SOX5: variants seen among roughly 807,000 people sequenced by gnomAD.
SOX5 encodes transcription factor SOX-5.
SOX5 carries 9 observed loss-of-function variants against 92.0 expected under a neutral mutation model. That is an observed-to-expected ratio of 0.10 (90% CI 0.06 to 0.17). SOX5 has a LOEUF of 0.17. Ranked by LOEUF, SOX5 falls within the 10% of genes least tolerant of loss-of-function variation. The probability of loss-of-function intolerance (pLI) is 1.00; values close to 1 mark genes in which losing one functional copy is unlikely to be tolerated. For missense variants in SOX5, 642 were observed against 944.5 expected, an observed-to-expected ratio of 0.68 and a Z score of 4.20; for synonymous variants, 344 against 336.3, an observed-to-expected ratio of 1.02 and a Z score of -0.25.
intron 6 of SOX5, among the ~76,000 whole-genome samples, chr12:23,710,686 T>C (rs1593522429): frequency 6.6e-6 from 1 of 152,352 alleles, no homozygotes; most frequent in Admixed American, 6.5e-5. Flanking sequence ...TTGTGAATAG[T>C]GCCACAATAA....
At chr12:24,072,129 T>G (rs1263968964) in intron 4 of SOX5, among the ~76,000 whole-genome samples, 1 of 152,214 alleles carries the variant, frequency 6.6e-6, no homozygotes, top group East Asian at 1.9e-4. Context: ...CTAAATAAGT[T>G]TGCAATTGAA....
intron 8 of SOX5, among the ~76,000 whole-genome samples, chr12:23,615,199 G>A (rs1266041346): frequency 6.6e-6 from 1 of 151,976 alleles, no homozygotes; most frequent in Non-Finnish European, 1.5e-5. Context: ...TTTCTCTAAT[G>A]ATGTTGAGCA....
intron 3 of SOX5, among the ~76,000 whole-genome samples, chr12:23,779,894 C>A (rs1000379852): frequency 1.4e-5 from 2 of 144,748 alleles, no homozygotes; most frequent in Admixed American, 7.0e-5. Context: ...CCTAATGATA[C>A]AATGTGTGCT....
At chr12:23,616,655 C>T (rs1335459947) in intron 8 of SOX5, among the ~76,000 whole-genome samples, 2 of 152,150 alleles carry the variant, frequency 1.3e-5, no homozygotes, top group Non-Finnish European at 2.9e-5. Context: ...CTCAGACTTG[C>T]TATAGATTTG....
At chr12:24,061,796 G>A (rs185269970) in intron 4 of SOX5, among the ~76,000 whole-genome samples, 3 of 151,480 alleles carry the variant, frequency 2.0e-5, no homozygotes, top group Admixed American at 2.0e-4. Context: ...CTTTCAACAG[G>A]CCCTATAATG....
At chr12:23,599,383 T>C (rs1374140614) in intron 9 of SOX5, among the ~76,000 whole-genome samples, 1 of 152,218 alleles carries the variant, frequency 6.6e-6, no homozygotes, top group African/African-American at 2.4e-5. Context: ...AATGGGAACA[T>C]CACTGTCAGA....
At chr12:23,966,164 C>A (rs1171521040) in intron 4 of SOX5, among the ~76,000 whole-genome samples, 2 of 118,786 alleles carry the variant, frequency 1.7e-5, no homozygotes, top group African/African-American at 3.3e-5. Flanking sequence ...TTCCAGAATC[C>A]CCGCCTCCCC....
chr12:24,382,840 A>G (rs1957977792), intron 1 of SOX5, among the ~76,000 whole-genome samples: 3 of 152,154 alleles, frequency 2.0e-5, no homozygotes, highest in African/African-American at 7.2e-5. Flanking sequence ...GTTCTGAGCA[A>G]TGGGAAGAAT....
chr12:24,388,331 C>T (rs559472681), intron 1 of SOX5, among the ~76,000 whole-genome samples: 15 of 152,098 alleles, frequency 9.9e-5, no homozygotes, highest in Admixed American at 2.0e-4. Flanking sequence ...CATCAAAAGA[C>T]GCCCCTGTTC....
intron 4 of SOX5, among the ~76,000 whole-genome samples, chr12:24,020,299 C>G (rs76396980): frequency 0.021 from 3,143 of 152,150 alleles, 90 homozygotes; most frequent in African/African-American, 0.071. Flanking sequence ...TCCCTTTGAT[C>G]GTTACACCTG....
chr12:23,912,695 T>A (rs1332585399), intron 1 of SOX5, among the ~76,000 whole-genome samples: 1 of 152,184 alleles, frequency 6.6e-6, no homozygotes, highest in Non-Finnish European at 1.5e-5. Context: ...ACAAAACTGA[T>A]GAACCTTGAA....
intron 1 of SOX5, among the ~76,000 whole-genome samples, chr12:23,905,911 T>C (rs1054359742): frequency 3.3e-5 from 5 of 152,176 alleles, no homozygotes; most frequent in Admixed American, 2.6e-4. Flanking sequence ...TATTTCCTTA[T>C]CTCAAAAACA....
intron 2 of SOX5, among the ~76,000 whole-genome samples, chr12:23,849,863 T>G (rs1338716244): frequency 2.6e-5 from 4 of 152,174 alleles, no homozygotes; most frequent in African/African-American, 9.7e-5. Context: ...GTAATGGTAC[T>G]CAGTAGTCTA....
At chr12:24,114,573 C>CAAAAAAAAAAAAAAAAAAAAAAA (rs55913110) in intron 4 of SOX5, among the ~76,000 whole-genome samples, 10 of 40,594 alleles carry the variant, frequency 2.5e-4, no homozygotes, top group Admixed American at 4.4e-4. Context: ...CACCCCGTCA[C>CAAAAAAAAAAAAAAAAAAAAAAA]AAAAAAAAAA....
intron 1 of SOX5, among the ~76,000 whole-genome samples, chr12:24,495,566 G>A (rs1421827171): frequency 6.6e-6 from 1 of 152,114 alleles, no homozygotes; most frequent in Admixed American, 6.6e-5. Flanking sequence ...TTCCATTTGA[G>A]TGAACACTTG....
At chr12:24,426,327 G>A (rs527621651) in intron 1 of SOX5, among the ~76,000 whole-genome samples, 3 of 152,210 alleles carry the variant, frequency 2.0e-5, no homozygotes, top group Non-Finnish European at 2.9e-5. Context: ...GGGACCTGGG[G>A]GAGGGATAGC....
At chr12:23,826,076 A>C (rs2096227425) in intron 3 of SOX5, among the ~76,000 whole-genome samples, 1 of 152,036 alleles carries the variant, frequency 6.6e-6, no homozygotes, top group African/African-American at 2.4e-5. Flanking sequence ...TACAATGTGC[A>C]GGTTAGTTAC....
intron 5 of SOX5, among the ~76,000 whole-genome samples, chr12:23,739,506 C>T (rs116241957): frequency 0.021 from 3,129 of 152,214 alleles, 111 homozygotes; most frequent in African/African-American, 0.07. Context: ...TAACACTGTT[C>T]CCCAAGACCT....
At chr12:24,032,364 TGA>T (rs1955598609) in intron 4 of SOX5, among the ~76,000 whole-genome samples, 1 of 151,910 alleles carries the variant, frequency 6.6e-6, no homozygotes, top group Admixed American at 6.6e-5. Context: ...ACCATCTAAC[TGA>T]ATTTAGTTCC....
Sources: gnomAD v4.1 joint callset for allele counts (sites outside exome capture counted in the v4.1 genomes callset) on GRCh38, gnomAD v4.1.1 for gene constraint, MANE v1.5 for transcripts, NCBI Gene and HGNC (gene_info 2026-07-23, HGNC 2026-07-21) for gene names.